Variants in ZNF385D observed in about 807,000 individuals in gnomAD.
ZNF385D encodes the protein zinc finger protein 385D.
A neutral mutation model predicts 35.8 loss-of-function variants in ZNF385D; 15 were observed. The ratio of observed to expected loss-of-function variants is 0.42; its 90% CI spans 0.28 to 0.64. The LOEUF (loss-of-function observed/expected upper bound fraction) is 0.64. ZNF385D is among the 30% of genes least tolerant of loss of function. The pLI is 0.23. For missense variants in ZNF385D, 474 were observed against 494.6 expected (o/e 0.96, Z 0.39); for synonymous variants, 212 against 186.8 (o/e 1.13, Z -1.10).
At chr3:21,914,810 G>C (rs1700118994) in intron 3 of ZNF385D, among the ~76,000 whole-genome samples, 1 of 151,626 alleles carries the variant, frequency 6.6e-6, no homozygotes, top group Non-Finnish European at 1.5e-5. Flanking sequence ...TTATCTGAAA[G>C]ATAAAGTCTT....
intron 3 of ZNF385D, among the ~76,000 whole-genome samples, chr3:21,837,912 A>C (rs1246241985): frequency 1.3e-5 from 2 of 151,164 alleles, no homozygotes; most frequent in Non-Finnish European, 2.9e-5. Context: ...CCACCTCTGG[A>C]GTAGTAAAAT....
chr3:21,945,213 A>G (rs1701723302), intron 3 of ZNF385D, among the ~76,000 whole-genome samples: 1 of 149,706 alleles, frequency 6.7e-6, no homozygotes. Context: ...AAGAGAATGA[A>G]AGAGAGAAAG....
intron 2 of ZNF385D, among the ~76,000 whole-genome samples, chr3:21,650,901 C>T (rs17009199): frequency 0.12 from 18,700 of 152,068 alleles, 1,231 homozygotes; most frequent in East Asian, 0.15. Flanking sequence ...ATGGATTGCT[C>T]TCCTTTTTAA....
intron 2 of ZNF385D, among the ~76,000 whole-genome samples, chr3:22,190,260 T>A (rs1695924533): frequency 6.6e-6 from 1 of 152,184 alleles, no homozygotes; most frequent in Non-Finnish European, 1.5e-5. Context: ...CAGGCTGACA[T>A]TCTGTCCATG....
chr3:21,625,274 G>A (rs560250786), intron 2 of ZNF385D, among the ~76,000 whole-genome samples: 3 of 151,914 alleles, frequency 2.0e-5, no homozygotes, highest in Admixed American at 6.6e-5. Flanking sequence ...GGCATTTTAC[G>A]TGCTTTTGCC....
At chr3:21,982,510 A>G (rs1010793260) in intron 3 of ZNF385D, among the ~76,000 whole-genome samples, 4 of 152,140 alleles carry the variant, frequency 2.6e-5, no homozygotes, top group East Asian at 3.9e-4. Flanking sequence ...TTCTAGATAT[A>G]TAATCATGTT....
At chr3:21,810,523 A>C (rs935172819) in intron 3 of ZNF385D, among the ~76,000 whole-genome samples, 3 of 152,048 alleles carry the variant, frequency 2.0e-5, no homozygotes, top group Non-Finnish European at 4.4e-5. Context: ...AAAGTATAAT[A>C]AAAAAACTAT....
intron 1 of ZNF385D, among the ~76,000 whole-genome samples, chr3:21,750,309 T>C (rs2125553764): frequency 6.6e-6 from 1 of 152,302 alleles, no homozygotes; most frequent in African/African-American, 2.4e-5. Context: ...TGCACAAATA[T>C]TTGACATCTC....
chr3:21,642,816 G>C (rs1227428508), intron 2 of ZNF385D, among the ~76,000 whole-genome samples: 1 of 152,056 alleles, frequency 6.6e-6, no homozygotes, highest in Non-Finnish European at 1.5e-5. Flanking sequence ...GAACCTTGAG[G>C]ACATTATACT....
chr3:22,248,640 C>A (rs1699912076), intron 2 of ZNF385D, among the ~76,000 whole-genome samples: 1 of 152,052 alleles, frequency 6.6e-6, no homozygotes, highest in Non-Finnish European at 1.5e-5. Context: ...ATTATTCAAC[C>A]TCTCTTAATC....
intron 3 of ZNF385D, among the ~76,000 whole-genome samples, chr3:22,000,221 C>T (rs1397398024): frequency 2.6e-5 from 4 of 151,958 alleles, no homozygotes; most frequent in South Asian, 2.1e-4. Context: ...AGGAGAATGG[C>T]TTGAACCCAG....
At chr3:22,351,305 A>C (rs1231520431) in intron 2 of ZNF385D, among the ~76,000 whole-genome samples, 1 of 152,122 alleles carries the variant, frequency 6.6e-6, no homozygotes, top group East Asian at 1.9e-4. Flanking sequence ...AAGCATAGCA[A>C]TATATATCTA....
chr3:21,750,893 A>G lies in ZNF385D; in HGVS notation c.22+2T>C, dbSNP rs771042850. On this transcript the variant is annotated splice_donor_variant, in intron 1 of 7. Transcript: ENST00000281523. LOFTEE classifies it high-confidence loss of function. Reference sequence around the variant, plus strand: ...AATTACATCATCAGAGTGAACACTCACCAAAATACATTATGTTTCTCATTA... The same window carrying G: ...AATTACATCATCAGAGTGAACACTCGCCAAAATACATTATGTTTCTCATTA... 2 of 1,614,212 alleles carry G rather than the reference A, an allele frequency of 1.2e-6. No homozygotes were observed. Among genetic ancestry groups the G allele is most frequent in the Non-Finnish European group, 1.7e-6 (2 of 1,180,022 alleles).
intron 3 of ZNF385D, among the ~76,000 whole-genome samples, chr3:21,868,571 A>T (rs756878610): frequency 6.6e-6 from 1 of 152,114 alleles, no homozygotes; most frequent in Non-Finnish European, 1.5e-5. Flanking sequence ...TTCAGAGACA[A>T]ATGTTTTTGT....
At chr3:22,087,511 T>C (rs1271619370) in intron 3 of ZNF385D, among the ~76,000 whole-genome samples, 1 of 152,150 alleles carries the variant, frequency 6.6e-6, no homozygotes, top group East Asian at 1.9e-4. Flanking sequence ...AGGTCCTGTT[T>C]GCTGAAATGT....
chr3:21,744,643 C>T (rs1559576520), intron 1 of ZNF385D, among the ~76,000 whole-genome samples: 1 of 152,080 alleles, frequency 6.6e-6, no homozygotes, highest in Non-Finnish European at 1.5e-5. Context: ...TTGCTATTAA[C>T]TATAATTTTG....
chr3:21,964,190 T>C (rs917260317), intron 3 of ZNF385D, among the ~76,000 whole-genome samples: 2 of 151,748 alleles, frequency 1.3e-5, no homozygotes, highest in African/African-American at 2.4e-5. Context: ...ATAAAAAAAA[T>C]CAAGGTAAGT....
chr3:21,964,529 G>T (rs142978029), intron 3 of ZNF385D, among the ~76,000 whole-genome samples: 10 of 119,560 alleles, frequency 8.4e-5, no homozygotes, highest in Non-Finnish European at 1.3e-4. Flanking sequence ...TCACTCTGTC[G>T]CCCAGGCTGG....
rs373105142 is a variant in ZNF385D, at chr3:21,684,365, C to CCTCT, written c.23-19341_23-19338dup. Among the ~76,000 whole-genome samples, 423 of 73,002 alleles carry CCTCT rather than the reference C, an allele frequency of 5.8e-3. 21 individuals are homozygous for CCTCT. The highest frequency in any genetic ancestry group is 0.026 in the East Asian group (58 of 2,226). 47.9% of individuals were successfully genotyped at this position (73,002 alleles called of 152,430 possible). A position where few individuals can be genotyped will look rare whatever the true frequency, so the allele number is the denominator to read the frequency against. Reference sequence around the variant, plus strand: ...AAAGCCATAAATGGTTAACTGTTCTCCTCTCTCTCTCTCTCTCTCTCTCTC... The same window carrying CCTCT: ...AAAGCCATAAATGGTTAACTGTTCTCCTCTCTCTCTCTCTCTCTCTCTCTCTCTC... On this transcript the variant is annotated intron_variant, in intron 1 of 7. Coordinates refer to ENST00000281523, the MANE Select transcript of ZNF385D (RefSeq NM_024697.3).
Sources: allele counts gnomAD v4.1 joint callset (sites outside exome capture counted in the v4.1 genomes callset), GRCh38; gene constraint gnomAD v4.1.1; transcripts MANE v1.5; gene names NCBI Gene and HGNC (gene_info 2026-07-23, HGNC 2026-07-21).